The following CCDC142 variants were observed in gnomAD, a reference collection of about 807,000 sequenced individuals.
The protein encoded by CCDC142 is coiled-coil domain-containing protein 142.
CCDC142 carries 67 observed loss-of-function variants against 83.8 expected under a neutral mutation model. That is an observed-to-expected ratio of 0.80 (90% CI 0.66 to 0.98). The LOEUF is 0.98. Among genes scored for constraint, CCDC142 ranks in the 50% least tolerant of loss-of-function variants. CCDC142 has a pLI of 0.00. For synonymous variants in CCDC142, 421 were observed against 421.2 expected (o/e 1.00, Z 0.01); for missense variants, 905 against 946.8 (o/e 0.96, Z 0.58).
At chr2:74,476,832 G>A (rs1482881693) in intron 5 of CCDC142, among the ~76,000 whole-genome samples, 1 of 152,222 alleles carries the variant, frequency 6.6e-6, no homozygotes. Context: ...ATGCCAGGGA[G>A]CCTGAAGACA....
chr2:74,474,872 G>C lies in CCDC142; in HGVS notation c.1996+44C>G, dbSNP rs777044801. The stretch of plus-strand genomic sequence containing the variant: ...TGAAGCCAGATTAATGGTGAGAATA[G>C]GGTTTGGGACACACAAAGCAGTGAG... On this transcript the variant is annotated intron_variant, in intron 8 of 8. Transcript: ENST00000393965. 1.9e-6 allele frequency: 3 copies of C among 1,578,702 alleles called. No individual in the cohort carries two copies. The African/African-American group carries it at 4.0e-5, about 21-fold the overall frequency.
At position 74,481,324 on chromosome 2, in the gene CCDC142, G is replaced by A; in HGVS notation, c.1157C>T (p.Pro386Leu). The change falls in exon 3 of 9, where the codon CCC becomes CTC. Residue 386 changes from proline (P) to leucine (L), a missense_variant. By Grantham distance (98) the Pro-to-Leu change is moderately conservative (BLOSUM62 -3). Coordinates refer to ENST00000393965, the MANE Select transcript of CCDC142 (RefSeq NM_001365575.2). ...AAGTTCAGCAGTGCCAGAGGATGTG[G>A]GAAGGCTGCTCTGACCCCCAAGAGC... ...GSALGGQSSL[P>L]TSSGTAELLQ... 2.5e-6 allele frequency: 4 copies of A among 1,614,104 alleles called. No homozygotes were observed. The East Asian group carries it at 6.7e-5, about 27-fold the overall frequency.
Position 74,474,370 on chromosome 2 carries a change from C to G in CCDC142, c.*176G>C. 2 of 839,878 alleles carry G rather than the reference C, an allele frequency of 2.4e-6. No homozygotes were observed. The highest frequency in any genetic ancestry group is 4.0e-5 in the South Asian group (2 of 50,238). 52.0% of individuals were successfully genotyped at this position (839,878 alleles called of 1,614,324 possible). On this transcript the variant is annotated 3_prime_UTR_variant, in exon 9 of 9. Transcript: ENST00000393965. Reference sequence around the variant, plus strand: ...AGTGCTGGATTACAGGCGTGAGCCACCTCGCCCAGCCCCTAATCTTGGATT... The same window carrying G: ...AGTGCTGGATTACAGGCGTGAGCCAGCTCGCCCAGCCCCTAATCTTGGATT...
In CCDC142 at chr2:74,481,989, C is replaced by T. The variant is rs532600919; in HGVS notation, c.849G>A (p.Gly283=). ...CACAGCTGGCTGAACCCGCCACGCC[C>T]CCGACCAGGCCCAGCAGCCCTGGTA... is the stretch of plus-strand genomic sequence containing the variant. ...DLLPGLLGLV[G]GVAGSASCGL... is the part of the protein sequence containing the mutation. Residue 283 remains glycine (G), a synonymous_variant, in exon 1 of 9, where the codon GGG becomes GGA. Coordinates refer to ENST00000393965, the MANE Select transcript of CCDC142 (RefSeq NM_001365575.2). 1.2e-6 allele frequency: 2 copies of T among 1,613,908 alleles called. No homozygotes were observed. Among genetic ancestry groups the T allele is most frequent in the Non-Finnish European group, 1.7e-6 (2 of 1,179,998 alleles).
At chr2:74,478,636 C>T (rs1477323276) in intron 5 of CCDC142, among the ~76,000 whole-genome samples, 5 of 150,840 alleles carry the variant, frequency 3.3e-5, no homozygotes, top group Non-Finnish European at 4.4e-5. Flanking sequence ...CTTGGCCTCC[C>T]AAAAAAGTTT....
At position 74,481,963 on chromosome 2, in the gene CCDC142, C is replaced by G; in HGVS notation, c.875G>C (p.Gly292Ala). Residue 292 changes from glycine to alanine, a missense_variant, in exon 1 of 9, where the codon GGA (glycine) becomes GCA (alanine). Coordinates refer to ENST00000393965, the MANE Select transcript of CCDC142 (RefSeq NM_001365575.2). The part of the protein sequence containing the change: ...VGGVAGSASC[G>A]LGLGGAGALW... ...GGCCCCAGCCCCTCCGAGCCCTAGTCCACAGCTGGCTGAACCCGCCACGCC... is the reference window on the plus strand; with the variant it reads ...GGCCCCAGCCCCTCCGAGCCCTAGTGCACAGCTGGCTGAACCCGCCACGCC... The G allele has an allele frequency of 6.2e-7, 1 of 1,613,906 alleles. No homozygotes were observed. The highest frequency in any genetic ancestry group is 8.5e-7 in the Non-Finnish European group (1 of 1,179,978).
In CCDC142 at chr2:74,482,947, G is replaced by T. The variant is rs1404684250; in HGVS notation, c.-110C>A. On this transcript the variant is annotated 5_prime_UTR_variant, in exon 1 of 9. Coordinates refer to ENST00000393965, the MANE Select transcript of CCDC142 (RefSeq NM_001365575.2). The surrounding 1 kb of genome is among the most constrained non-coding windows in gnomAD (Gnocchi z 5.0). ...GCAAGAGCCGTTTTCTCCAGTCCGGGAGTCGCGGGGACCTTCATGGACTCT... is the reference window on the plus strand; with the variant it reads ...GCAAGAGCCGTTTTCTCCAGTCCGGTAGTCGCGGGGACCTTCATGGACTCT... 3.2e-6 allele frequency: 5 copies of T among 1,555,126 alleles called. No homozygotes were observed. The highest frequency in any genetic ancestry group is 4.4e-6 in the Non-Finnish European group (5 of 1,140,124).
chr2:74,481,181 C>T lies in CCDC142; in HGVS notation c.1258+42G>A, dbSNP rs1403982194. On this transcript the variant is annotated intron_variant, in intron 3 of 8. Coordinates refer to ENST00000393965, the MANE Select transcript of CCDC142 (RefSeq NM_001365575.2). ...GAACAGAGTGAAAGAAAAGAGATAT[C>T]CTCAACTGCTCTGTGTCCCCAGCCC... The T allele has an allele frequency of 1.9e-6, 3 of 1,612,722 alleles. No homozygotes were observed. In the South Asian group the frequency reaches 3.3e-5, roughly 18 times the overall value.
chr2:74,481,700 A>C, intron 1 of CCDC142, 117 bp downstream of exon 1: 1 of 1,396,578 alleles, frequency 7.2e-7, no homozygotes, highest in East Asian at 2.3e-5. Flanking sequence ...GTCTGAACCC[A>C]GGGGTGTTCT....
chr2:74,476,314 A>G (rs950229580), intron 5 of CCDC142, among the ~76,000 whole-genome samples: 3 of 152,112 alleles, frequency 2.0e-5, no homozygotes, highest in Non-Finnish European at 4.4e-5. Context: ...GTGGGACTAC[A>G]GGAGTGCACC....
In CCDC142 at chr2:74,481,858, G is replaced by A. The variant is rs368647939; in HGVS notation, c.980C>T (p.Pro327Leu). The change falls in exon 1 of 9, where the codon CCC becomes CTC. Residue 327 changes from proline to leucine, a missense_variant. By Grantham distance (98) the Pro-to-Leu change is moderately conservative. Coordinates refer to ENST00000393965, the MANE Select transcript of CCDC142 (RefSeq NM_001365575.2). ...ACTCAGCTGTTGCGCTGTTGCCCTG[G>A]GGTCCCTCCAGGGTCCCAGATTTAG... ...LDLNLGPWRD[P>L]RATAQQLSQA... 1.7e-4 allele frequency: 278 copies of A among 1,613,900 alleles called. 1 individual carries two copies. Among genetic ancestry groups the A allele is most frequent in the Non-Finnish European group, 2.0e-4 (237 of 1,179,936 alleles).
chr2:74,476,010 GA>G (rs1357598940), intron 5 of CCDC142, among the ~76,000 whole-genome samples: 3 of 140,662 alleles, frequency 2.1e-5, no homozygotes, highest in Non-Finnish European at 3.0e-5. Flanking sequence ...GAGCTTTAAG[GA>G]AAAAGAAAGA....
At chr2:74,475,795 T>C in intron 5 of CCDC142, 69 bp from the exon 6 acceptor site, 1 of 949,958 alleles carries the variant, frequency 1.1e-6, no homozygotes, top group South Asian at 1.5e-5. Context: ...TAAGGAGCTC[T>C]ATGTCCAACT....
rs1672488619 is a variant in CCDC142 at position 74,481,918 on chromosome 2, G to A, written c.920C>T (p.Thr307Ile). Residue 307 changes from threonine (T) to isoleucine (I), a missense_variant, in exon 1 of 9, where the codon ACC becomes ATC. Thr to Ile is a moderately conservative substitution (Grantham distance 89, BLOSUM62 -1). Coordinates refer to ENST00000393965, the MANE Select transcript of CCDC142 (RefSeq NM_001365575.2). ...GAGALWSQYW[T>I]LLWAACAQSL... ...CTGAGCACAGGCTGCCCACAGCAGG[G>A]TCCAGTATTGGCTCCACAAGGCCCC... 3.1e-6 allele frequency: 5 copies of A among 1,614,112 alleles called. No homozygotes were observed. In the South Asian group the frequency reaches 4.4e-5, roughly 14 times the overall value.
At position 74,481,529 on chromosome 2, in the gene CCDC142, G is replaced by C; in HGVS notation, c.1031C>G (p.Pro344Arg). Reference protein sequence around the residue: ...LSQALGQASLPQECEKELASL... With the variant: ...LSQALGQASLRQECEKELASL... The stretch of plus-strand genomic sequence containing the variant: ...TGCCAGCTCCTTCTCACACTCCTGA[G>C]GCAGGGATGCTAGTGGGAGAAATGA... The change falls in exon 2 of 9, where the codon CCT (proline) becomes CGT (arginine). Residue 344 changes from proline (P) to arginine (R), a missense_variant. Coordinates refer to ENST00000393965, the MANE Select transcript of CCDC142 (RefSeq NM_001365575.2). The C allele has an allele frequency of 6.2e-7, 1 of 1,614,106 alleles. No homozygotes were observed. Among genetic ancestry groups the C allele is most frequent in the Non-Finnish European group, 8.5e-7 (1 of 1,179,976 alleles).
rs184053368 is a variant in CCDC142 at position 74,482,102 on chromosome 2, G to C, written c.736C>G (p.Gln246Glu). The C allele has an allele frequency of 1.1e-4, 170 of 1,613,614 alleles. No homozygotes were observed. In the East Asian group the frequency reaches 3.7e-3, roughly 36 times the overall value. ...GCCTCGTCCAGCCGACTTGCCACCTGGCAACCCCGCTCCCCCGTCAAGAGG... is the reference window on the plus strand; with the variant it reads ...GCCTCGTCCAGCCGACTTGCCACCTCGCAACCCCGCTCCCCCGTCAAGAGG... ...LRLLTGERGC[Q>E]VASRLDEALQ... The change falls in exon 1 of 9, where the codon CAG (glutamine) becomes GAG (glutamate). Residue 246 changes from glutamine to glutamate, a missense_variant. Coordinates refer to ENST00000393965, the MANE Select transcript of CCDC142 (RefSeq NM_001365575.2). This position sits in a 1 kb window ranked among gnomAD's most constrained non-coding sequence, Gnocchi z 5.0.
chr2:74,482,285 G>C lies in CCDC142; in HGVS notation c.553C>G (p.Gln185Glu). ...GGCTCCCGGCCGAGAGCGCGAAGCT[G>C]CATCTCGATGACAGCCTCCAGGCAC... is the stretch of plus-strand genomic sequence containing the variant. ...AQCLEAVIEM[Q>E]LRALGREPAS... Residue 185 changes from glutamine to glutamate, a missense_variant, in exon 1 of 9, where the codon CAG becomes GAG. Physicochemically the swap from Gln to Glu is conservative, Grantham distance 29. Around this residue, in one of 3 missense-constraint regions of CCDC142, gnomAD observed 591 missense variants for 571.4 expected, o/e 1.03. Transcript: ENST00000393965. This position sits in a 1 kb window ranked among gnomAD's most constrained non-coding sequence, Gnocchi z 5.0. 6.2e-7 allele frequency: 1 copy of C among 1,612,368 alleles called. No individual in the cohort carries two copies. Among genetic ancestry groups the C allele is most frequent in the Non-Finnish European group, 8.5e-7 (1 of 1,179,718 alleles).
chr2:74,482,188 C>G lies in CCDC142; in HGVS notation c.650G>C (p.Arg217Thr). ...FALPAYHTLQ[R>T]KALSHVPGAA... is the part of the protein sequence containing the mutation. ...CCCTGGGACGTGGCTCAAGGCTTTT[C>G]TCTGTAGTGTGTGGTAGGCGGGAAG... The change falls in exon 1 of 9, where the codon AGA (arginine) becomes ACA (threonine). Residue 217 changes from arginine (R) to threonine (T), a missense_variant. Around this residue, in one of 3 missense-constraint regions of CCDC142, gnomAD observed 591 missense variants for 571.4 expected, o/e 1.03. Transcript: ENST00000393965. This position sits in a 1 kb window ranked among gnomAD's most constrained non-coding sequence, Gnocchi z 5.0. 6.2e-7 allele frequency: 1 copy of G among 1,613,688 alleles called. No individual in the cohort carries two copies. Among genetic ancestry groups the G allele is most frequent in the African/African-American group, 1.3e-5 (1 of 75,070 alleles).
intron 5 of CCDC142, among the ~76,000 whole-genome samples, chr2:74,476,952 C>A (rs370094314): frequency 6.6e-6 from 1 of 152,156 alleles, no homozygotes; most frequent in Non-Finnish European, 1.5e-5. Context: ...AAATGCAAGC[C>A]CCCTTCTCCT....
Sources: gnomAD v4.1 joint callset for allele counts (sites outside exome capture counted in the v4.1 genomes callset) on GRCh38, gnomAD v4.1.1 for gene constraint, gnomAD v4.1.1 regional missense constraint, Gnocchi (gnomAD v3.1) non-coding constraint, MANE v1.5 for transcripts, NCBI Gene and HGNC (gene_info 2026-07-23, HGNC 2026-07-21) for gene names.